Variants in ANKRD50 observed in about 807,000 individuals in gnomAD.
The protein encoded by ANKRD50 is ankyrin repeat domain-containing protein 50.
ANKRD50 carries 40 observed loss-of-function variants against 112.0 expected under a neutral mutation model. That is an observed-to-expected ratio of 0.36 (90% confidence interval 0.28 to 0.46). The LOEUF is 0.46. Ranked by LOEUF, ANKRD50 falls within the 20% of genes least tolerant of loss-of-function variation. The pLI is 1.00. For synonymous variants in ANKRD50, 613 were observed against 619.1 expected (o/e 0.99, Z 0.15); for missense variants, 1,487 against 1,701.7 (o/e 0.87, Z 2.22).
chr4:124,702,612 A>G (rs1181891863), intron 2 of ANKRD50, among the ~76,000 whole-genome samples: 1 of 152,166 alleles, frequency 6.6e-6, no homozygotes, highest in Non-Finnish European at 1.5e-5. Flanking sequence ...CGGCCTATGA[A>G]CTAAGAATAA....
Position 124,671,383 on chromosome 4 carries a change from A to G in ANKRD50, c.1894T>C (p.Tyr632His). The G allele has an allele frequency of 6.2e-7, 1 of 1,613,880 alleles. No individual in the cohort carries two copies. The highest frequency in any genetic ancestry group is 8.5e-7 in the Non-Finnish European group (1 of 1,179,866). The change falls in exon 4 of 5, where the codon TAT becomes CAT. Residue 632 changes from tyrosine to histidine, a missense_variant. Around this residue, in one of 2 missense-constraint regions of ANKRD50, gnomAD observed 1,046 missense variants for 1,269.5 expected, o/e 0.82. Coordinates refer to ENST00000504087, the MANE Select transcript of ANKRD50 (RefSeq NM_020337.3). ...GHTEVVSALL[Y>H]AGVKVDCADA... ...GCACAATCCACTTTTACGCCAGCAT[A>G]AAGTAGTGCAGAAACTACCTCAGTA...
chr4:124,676,974 T>C (rs938185082), intron 3 of ANKRD50, among the ~76,000 whole-genome samples: 2 of 151,634 alleles, frequency 1.3e-5, no homozygotes, highest in South Asian at 2.1e-4. Flanking sequence ...ATTTTTCACA[T>C]ACCACATTGA....
chr4:124,712,442 G>C lies in ANKRD50; in HGVS notation c.-764+16C>G, dbSNP rs573736419. On this transcript the variant is annotated intron_variant, in intron 1 of 4. Transcript: ENST00000504087. ...GAGGGGCCTCGCTTCCACCGCCGCC[G>C]CCGCCCCCCGGTTACCTCGGCCCCA... The C allele has an allele frequency of 1.3e-4, 20 of 159,442 alleles. No homozygotes were observed. The South Asian group carries it at 2.9e-3, about 23-fold the overall frequency. The allele number at this position is 159,442 out of a possible 1,614,324, so 9.9% of individuals were successfully genotyped here. A position where few individuals can be genotyped will look rare whatever the true frequency, so the allele number is the denominator to read the frequency against.
chr4:124,694,156 A>G (rs898778480), intron 2 of ANKRD50, among the ~76,000 whole-genome samples: 2 of 152,176 alleles, frequency 1.3e-5, no homozygotes, highest in African/African-American at 4.8e-5. Flanking sequence ...TAATACTTCC[A>G]ATCGGGGAAC....
At chr4:124,699,244 A>G (rs943709942) in intron 2 of ANKRD50, among the ~76,000 whole-genome samples, 1 of 145,188 alleles carries the variant, frequency 6.9e-6, no homozygotes, top group Non-Finnish European at 1.5e-5. Context: ...TCAGATTTAG[A>G]AGCAGATATG....
chr4:124,695,496 G>A (rs980543070), intron 2 of ANKRD50, among the ~76,000 whole-genome samples: 4 of 152,168 alleles, frequency 2.6e-5, no homozygotes, highest in South Asian at 4.2e-4. Context: ...TTTCCTCAAC[G>A]CACGTTTACT....
intron 2 of ANKRD50, among the ~76,000 whole-genome samples, chr4:124,702,995 T>A (rs1220886861): frequency 1.3e-5 from 2 of 151,898 alleles, no homozygotes; most frequent in East Asian, 2.0e-4. Context: ...TTGATGCAGA[T>A]TTGATTGCTA....
intron 2 of ANKRD50, among the ~76,000 whole-genome samples, chr4:124,684,229 A>G (rs1219558992): frequency 6.6e-6 from 1 of 152,096 alleles, no homozygotes; most frequent in African/African-American, 2.4e-5. Context: ...GTATCCTGTG[A>G]TAGCTCTTTT....
chr4:124,674,721 G>A (rs575805714), intron 3 of ANKRD50, among the ~76,000 whole-genome samples: 1 of 151,880 alleles, frequency 6.6e-6, no homozygotes, highest in African/African-American at 2.4e-5. Context: ...AATTCTATAA[G>A]AAAGTATAGA....
Position 124,670,787 on chromosome 4 carries a change from T to C in ANKRD50, c.2490A>G (p.Val830=). 1 of 1,613,930 alleles carries C rather than the reference T, an allele frequency of 6.2e-7. No homozygotes were observed. The part of the protein sequence containing the change: ...IASAQGNVEV[V]RTLLDRGLDE... The stretch of plus-strand genomic sequence containing the variant: ...CTAACCCTCTATCCAGTAGAGTACG[T>C]ACCACCTCAACATTTCCTTGTGCTG... The change falls in exon 4 of 5, where the codon GTA becomes GTG. Residue 830 remains valine (V), a synonymous_variant. Transcript: ENST00000504087.
At position 124,669,477 on chromosome 4, in the gene ANKRD50, G is replaced by A; in HGVS notation, c.3800C>T (p.Ala1267Val). ...QVKPSLKSTKASKGGKSENSA... is the reference protein window; with the variant it reads ...QVKPSLKSTKVSKGGKSENSA... ...ATTTTCTGATTTCCCCCCTTTACTT[G>A]CTTTAGTTGACTTCAAACTGGGCTT... Residue 1267 changes from alanine to valine, a missense_variant, in exon 4 of 5, where the codon GCA (alanine) becomes GTA (valine). Physicochemically the swap from Ala to Val is moderately conservative, Grantham distance 64. Transcript: ENST00000504087. 1.2e-6 allele frequency: 2 copies of A among 1,611,714 alleles called. No homozygotes were observed. The highest frequency in any genetic ancestry group is 8.5e-7 in the Non-Finnish European group (1 of 1,179,464).
At chr4:124,678,081 A>C (rs1490833827) in intron 3 of ANKRD50, among the ~76,000 whole-genome samples, 1 of 152,104 alleles carries the variant, frequency 6.6e-6, no homozygotes, top group African/African-American at 2.4e-5. Context: ...TATTTTAACA[A>C]ACTAACAAGA....
At chr4:124,668,315 C>T (rs573417377) in intron 4 of ANKRD50, among the ~76,000 whole-genome samples, 5 of 152,030 alleles carry the variant, frequency 3.3e-5, no homozygotes, top group South Asian at 2.1e-4. Context: ...ACGTCTATGC[C>T]TTATGTGTGA....
rs183117994 is a variant in ANKRD50 at position 124,700,649 on chromosome 4, T to A, written c.512+9351A>T. Among the ~76,000 whole-genome samples the A allele has an allele frequency of 1.7e-3, 256 of 152,344 alleles. 1 individual carries two copies. The highest frequency in any genetic ancestry group is 3.3e-3 in the Admixed American group (51 of 15,308). On this transcript the variant is annotated intron_variant, in intron 2 of 4. Transcript: ENST00000504087. ...CCATTTTAAATATTTAACTTCTGTA[T>A]CGTTAGCTATTTTCACAATAGTGGT...
rs765233750 is a variant in ANKRD50, at chr4:124,672,337, C to T, written c.940G>A (p.Val314Ile). Residue 314 changes from valine (V) to isoleucine (I), a missense_variant, in exon 4 of 5, where the codon GTA (valine) becomes ATA (isoleucine). Coordinates refer to ENST00000504087, the MANE Select transcript of ANKRD50 (RefSeq NM_020337.3). The part of the protein sequence containing the change: ...LYLERVLDGV[V>I]ENFIMLREIR... ...TCTCTTAACATAATAAAATTTTCTACAACTCCATCTAAAACTCGTTCTAGG... is the reference window on the plus strand; with the variant it reads ...TCTCTTAACATAATAAAATTTTCTATAACTCCATCTAAAACTCGTTCTAGG... The T allele has an allele frequency of 1.9e-6, 3 of 1,613,350 alleles. No homozygotes were observed. Among genetic ancestry groups the T allele is most frequent in the Non-Finnish European group, 8.5e-7 (1 of 1,179,742 alleles).
rs1047705099 is a variant in ANKRD50, at chr4:124,664,824, G to A, written c.*2694C>T. 1.3e-5 allele frequency: 2 copies of A among 151,956 alleles called. No individual in the cohort carries two copies. The highest frequency in any genetic ancestry group is 2.4e-5 in the African/African-American group (1 of 41,412). The allele number at this position is 151,956 out of a possible 1,614,324, so 9.4% of individuals were successfully genotyped here. ...AAACAAAGAACAAAAATTATTGGCT[G>A]TACTTTGCAGTACGCACTGATTTCA... On this transcript the variant is annotated 3_prime_UTR_variant, in exon 5 of 5. Transcript: ENST00000504087.
intron 3 of ANKRD50, among the ~76,000 whole-genome samples, chr4:124,673,508 A>AT (rs1457461774): frequency 2.4e-4 from 36 of 150,736 alleles, no homozygotes; most frequent in Admixed American, 6.7e-4. Context: ...CTGAACAGCC[A>AT]TGGTGGTGGC....
chr4:124,693,768 C>T (rs992506907), intron 2 of ANKRD50, among the ~76,000 whole-genome samples: 5 of 152,112 alleles, frequency 3.3e-5, no homozygotes, highest in African/African-American at 4.8e-5. Flanking sequence ...AATCTCATTA[C>T]TACCTAGAAG....
chr4:124,683,527 C>G (rs1724939042), intron 2 of ANKRD50, among the ~76,000 whole-genome samples: 1 of 151,764 alleles, frequency 6.6e-6, no homozygotes. Context: ...CATATCCCTT[C>G]TATTTATGTA....
Sources: allele counts gnomAD v4.1 joint callset (sites outside exome capture counted in the v4.1 genomes callset), GRCh38; gene constraint gnomAD v4.1.1; regional missense constraint gnomAD v4.1.1; transcripts MANE v1.5; gene names NCBI Gene and HGNC (gene_info 2026-07-23, HGNC 2026-07-21).